The following TMEM132D variants were observed in gnomAD, a reference collection of about 807,000 sequenced individuals.
TMEM132D encodes the protein mature OL transmembrane protein.
A neutral mutation model predicts 62.3 loss-of-function variants in TMEM132D; 21 were observed. That is an observed-to-expected ratio of 0.34 (90% CI 0.24 to 0.49). The LOEUF is 0.49. Ranked by LOEUF, TMEM132D falls within the 20% of genes least tolerant of loss-of-function variation. The pLI is 0.99. For synonymous variants in TMEM132D, 621 were observed against 575.6 expected (o/e 1.08, Z -1.13); for missense variants, 1,346 against 1,402.8 (o/e 0.96, Z 0.65).
intron 4 of TMEM132D, among the ~76,000 whole-genome samples, chr12:129,284,193 G>T (rs1881232531): frequency 6.6e-6 from 1 of 151,898 alleles, no homozygotes; most frequent in Non-Finnish European, 1.5e-5. Flanking sequence ...TCTGAAACAG[G>T]TGCAGCCTTG....
At chr12:129,893,744 C>A (rs941421466) in intron 1 of TMEM132D, among the ~76,000 whole-genome samples, 1 of 152,200 alleles carries the variant, frequency 6.6e-6, no homozygotes, top group African/African-American at 2.4e-5. Flanking sequence ...CTTTATTTGT[C>A]CTATAAATTA....
intron 1 of TMEM132D, among the ~76,000 whole-genome samples, chr12:129,758,729 T>A (rs995697376): frequency 1.3e-5 from 2 of 152,178 alleles, no homozygotes; most frequent in African/African-American, 4.8e-5. Context: ...GCTCCAGAAT[T>A]AGGAGTATTA....
intron 4 of TMEM132D, among the ~76,000 whole-genome samples, chr12:129,218,622 A>G (rs891598818): frequency 3.3e-5 from 5 of 152,218 alleles, no homozygotes; most frequent in African/African-American, 1.2e-4. Flanking sequence ...ATGGCACATA[A>G]CTGTACCCTT....
intron 2 of TMEM132D, among the ~76,000 whole-genome samples, chr12:129,577,199 C>T (rs1051859164): frequency 6.6e-6 from 1 of 151,706 alleles, no homozygotes; most frequent in Non-Finnish European, 1.5e-5. Flanking sequence ...GATGAACTGC[C>T]CATGCCAAGA....
intron 4 of TMEM132D, among the ~76,000 whole-genome samples, chr12:129,281,563 G>A (rs1881153168): frequency 6.6e-6 from 1 of 152,066 alleles, no homozygotes; most frequent in Admixed American, 6.5e-5. Context: ...GCACTCTTTG[G>A]CATAATATGG....
At chr12:129,285,376 A>T (rs1881262881) in intron 4 of TMEM132D, among the ~76,000 whole-genome samples, 1 of 151,704 alleles carries the variant, frequency 6.6e-6, no homozygotes, top group African/African-American at 2.4e-5. Context: ...AAAAAAAAAA[A>T]ATTAGCTGGG....
intron 3 of TMEM132D, among the ~76,000 whole-genome samples, chr12:129,411,582 T>C (rs1871968464): frequency 6.6e-6 from 1 of 152,112 alleles, no homozygotes; most frequent in African/African-American, 2.4e-5. Flanking sequence ...CTTGAACTCT[T>C]GGACTCAAGC....
intron 3 of TMEM132D, among the ~76,000 whole-genome samples, chr12:129,372,254 G>A (rs1870626969): frequency 6.6e-6 from 1 of 152,188 alleles, no homozygotes; most frequent in Non-Finnish European, 1.5e-5. Context: ...AACTGCAGGA[G>A]AGCAAATTTG....
intron 3 of TMEM132D, among the ~76,000 whole-genome samples, chr12:129,461,925 T>A (rs940367092): frequency 2.6e-5 from 4 of 152,200 alleles, no homozygotes; most frequent in Non-Finnish European, 4.4e-5. Context: ...TTCTAGGAAT[T>A]CCACAAAGGT....
chr12:129,293,931 T>C (rs1323705398), intron 4 of TMEM132D, among the ~76,000 whole-genome samples: 1 of 152,096 alleles, frequency 6.6e-6, no homozygotes, highest in Non-Finnish European at 1.5e-5. Flanking sequence ...TTCTGGGGCT[T>C]CCCAGAGCAT....
chr12:129,164,454 T>C (rs112705847), intron 5 of TMEM132D, among the ~76,000 whole-genome samples: 3,017 of 152,332 alleles, frequency 0.02, 107 homozygotes, highest in African/African-American at 0.069. Context: ...CAGCATGAAG[T>C]CTGACAGTTT....
At chr12:129,539,574 A>ACTT (rs1555263662) in intron 2 of TMEM132D, among the ~76,000 whole-genome samples, 1 of 143,930 alleles carries the variant, frequency 6.9e-6, no homozygotes, top group Non-Finnish European at 1.5e-5. Flanking sequence ...AATTTTTTCT[A>ACTT]TTTTTTTTTT....
At chr12:129,174,700 G>A (rs766670885) in intron 5 of TMEM132D, among the ~76,000 whole-genome samples, 32 of 152,154 alleles carry the variant, frequency 2.1e-4, no homozygotes, top group Admixed American at 5.2e-4. Flanking sequence ...CACCAACAGC[G>A]TAAAAGTGTT....
intron 4 of TMEM132D, among the ~76,000 whole-genome samples, chr12:129,299,919 C>T (rs1424922366): frequency 6.6e-6 from 1 of 152,170 alleles, no homozygotes; most frequent in African/African-American, 2.4e-5. Context: ...AAACTTCAGA[C>T]CTCAAGGACT....
At chr12:129,360,483 G>A (rs1331120667) in intron 3 of TMEM132D, among the ~76,000 whole-genome samples, 1 of 152,198 alleles carries the variant, frequency 6.6e-6, no homozygotes, top group African/African-American at 2.4e-5. Context: ...CTTGAGGAAT[G>A]GATGGGTTCT....
At chr12:129,190,832 A>C (rs1018406897) in intron 5 of TMEM132D, among the ~76,000 whole-genome samples, 1 of 152,142 alleles carries the variant, frequency 6.6e-6, no homozygotes, top group Non-Finnish European at 1.5e-5. Flanking sequence ...GGAAACTAAT[A>C]CAGATTCTGA....
chr12:129,337,778 C>T lies in TMEM132D; in HGVS notation c.1155G>A (p.Val385=), dbSNP rs1178348149. 3 of 1,613,710 alleles carry T rather than the reference C, an allele frequency of 1.9e-6. No individual in the cohort carries two copies. The African/African-American group carries it at 4.0e-5, about 22-fold the overall frequency. ...GASYEVMQID[V]EVEEPGDLPA... ...GCAGGTCACCAGGCTCTTCCACCTC[C>T]ACATCGATCTGCATGACCTCGTAGG... Residue 385 remains valine, a synonymous_variant, in exon 4 of 9, where the codon GTG becomes GTA. Transcript: ENST00000422113.
chr12:129,157,493 A>T (rs775665963), intron 5 of TMEM132D, among the ~76,000 whole-genome samples: 1 of 152,238 alleles, frequency 6.6e-6, no homozygotes, highest in Non-Finnish European at 1.5e-5. Context: ...TGACATTACT[A>T]TCTTAGTTAC....
chr12:129,636,939 A>G (rs778966261), intron 2 of TMEM132D, among the ~76,000 whole-genome samples: 1 of 152,134 alleles, frequency 6.6e-6, no homozygotes, highest in Non-Finnish European at 1.5e-5. Flanking sequence ...CCCATAATAA[A>G]GAATTATGTT....
Sources: allele counts gnomAD v4.1 joint callset (sites outside exome capture counted in the v4.1 genomes callset), GRCh38; gene constraint gnomAD v4.1.1; transcripts MANE v1.5; gene names NCBI Gene and HGNC (gene_info 2026-07-23, HGNC 2026-07-21).